LRRC4C: variants seen among roughly 807,000 people sequenced by gnomAD.
LRRC4C encodes leucine-rich repeat-containing protein 4C.
LRRC4C carries 5 observed loss-of-function variants against 33.6 expected under a neutral mutation model. That is an observed-to-expected ratio of 0.15 (90% CI 0.08 to 0.31). LRRC4C has a LOEUF of 0.31. Ranked by LOEUF, LRRC4C falls within the 10% of genes least tolerant of loss-of-function variation. LRRC4C has a pLI of 1.00. For missense variants in LRRC4C, 560 were observed against 796.7 expected (o/e 0.70, Z 3.58); for synonymous variants, 329 against 302.0 (o/e 1.09, Z -0.93).
At chr11:41,021,892 C>T (rs2098289000) in intron 1 of LRRC4C, among the ~76,000 whole-genome samples, 1 of 151,874 alleles carries the variant, frequency 6.6e-6, no homozygotes, top group Non-Finnish European at 1.5e-5. Flanking sequence ...ATCTTTTAAG[C>T]AGTAGTTTCA....
At chr11:40,596,575 C>T (rs573185668) in intron 3 of LRRC4C, among the ~76,000 whole-genome samples, 7 of 151,780 alleles carry the variant, frequency 4.6e-5, no homozygotes, top group South Asian at 2.1e-4. Flanking sequence ...TATTTTTGTA[C>T]GCTTCAACCA....
intron 2 of LRRC4C, among the ~76,000 whole-genome samples, chr11:40,675,807 T>C (rs1365532455): frequency 6.6e-6 from 1 of 152,232 alleles, no homozygotes; most frequent in Non-Finnish European, 1.5e-5. Flanking sequence ...GAAGTTTCTG[T>C]TAAAGTTTTT....
chr11:40,795,257 G>A lies in LRRC4C; in HGVS notation c.-407+138378C>T, dbSNP rs1347607974. The stretch of plus-strand genomic sequence containing the variant: ...TAGAAGGGAAGGAAAGACTGGGCGC[G>A]GTGGCTCACGCCTGTAATCCTAGCA... On this transcript the variant is annotated intron_variant, in intron 2 of 6. Coordinates refer to ENST00000528697, the MANE Select transcript of LRRC4C (RefSeq NM_001258419.2). Among the ~76,000 whole-genome samples the A allele has an allele frequency of 2.0e-5, 3 of 152,270 alleles. No individual in the cohort carries two copies. The East Asian group carries it at 5.8e-4, about 29-fold the overall frequency.
rs1330935543 is a variant in LRRC4C at position 40,114,902 on chromosome 11, G to A, written c.1391C>T (p.Pro464Leu). 2.0e-5 allele frequency: 33 copies of A among 1,614,168 alleles called. No homozygotes were observed. Among genetic ancestry groups the A allele is most frequent in the Non-Finnish European group, 2.7e-5 (32 of 1,180,036 alleles). Residue 464 changes from proline to leucine, a missense_variant, in exon 7 of 7, where the codon CCG becomes CTG. Pro to Leu is a moderately conservative substitution (Grantham distance 98, BLOSUM62 -3). Coordinates refer to ENST00000528697, the MANE Select transcript of LRRC4C (RefSeq NM_001258419.2). ...TGTGGTCCGTGCCTCATCCTGAGAC[G>A]GTTCCATAGTCTCTACTGTGACGGT... ...FSTVTVETME[P>L]SQDEARTTDN...
At chr11:40,599,469 A>G (rs747126504) in intron 3 of LRRC4C, among the ~76,000 whole-genome samples, 5 of 152,132 alleles carry the variant, frequency 3.3e-5, no homozygotes, top group African/African-American at 9.7e-5. Context: ...CTTCTTAAGA[A>G]GAACCATATT....
intron 1 of LRRC4C, among the ~76,000 whole-genome samples, chr11:41,389,458 C>T (rs996213989): frequency 3.3e-5 from 5 of 151,420 alleles, no homozygotes; most frequent in Non-Finnish European, 7.4e-5. Flanking sequence ...TAGGACATAG[C>T]AATACTGTGG....
intron 4 of LRRC4C, among the ~76,000 whole-genome samples, chr11:40,295,551 A>AT (rs1424922042): frequency 6.6e-6 from 1 of 151,978 alleles, no homozygotes; most frequent in Non-Finnish European, 1.5e-5. Context: ...ACAAAATGCT[A>AT]TTTTTTTCCT....
At chr11:41,210,666 C>T (rs949889367) in intron 1 of LRRC4C, among the ~76,000 whole-genome samples, 11 of 152,190 alleles carry the variant, frequency 7.2e-5, no homozygotes, top group Middle Eastern at 3.4e-3. Flanking sequence ...CAGATATTGT[C>T]GGCATCTATT....
intron 1 of LRRC4C, among the ~76,000 whole-genome samples, chr11:41,250,858 T>C (rs1948615782): frequency 6.6e-6 from 1 of 152,236 alleles, no homozygotes; most frequent in Non-Finnish European, 1.5e-5. Flanking sequence ...GCTTAAGATG[T>C]ACTAACTTTG....
intron 1 of LRRC4C, among the ~76,000 whole-genome samples, chr11:40,945,097 G>C (rs1204522132): frequency 7.0e-6 from 1 of 143,082 alleles, no homozygotes; most frequent in Non-Finnish European, 1.5e-5. Flanking sequence ...GCGCGATCTC[G>C]GCACACTGCA....
chr11:40,451,862 C>T (rs11035851), intron 3 of LRRC4C, among the ~76,000 whole-genome samples: 55,451 of 151,938 alleles, frequency 0.36, 10,586 homozygotes, highest in East Asian at 0.53. Flanking sequence ...CCAGTGTGAG[C>T]GATGCAGAAG....
chr11:40,986,427 A>C (rs1853000453), intron 1 of LRRC4C, among the ~76,000 whole-genome samples: 1 of 152,112 alleles, frequency 6.6e-6, no homozygotes, highest in Non-Finnish European at 1.5e-5. Context: ...GCGAGACCGC[A>C]TCTCCACTAA....
chr11:40,194,904 C>T (rs535800284), intron 5 of LRRC4C, among the ~76,000 whole-genome samples: 3 of 146,836 alleles, frequency 2.0e-5, no homozygotes, highest in South Asian at 2.3e-4. Context: ...CTGGCTAACA[C>T]GGTGGAACCC....
intron 2 of LRRC4C, among the ~76,000 whole-genome samples, chr11:40,752,000 A>G (rs1007120002): frequency 2.0e-5 from 3 of 152,126 alleles, no homozygotes; most frequent in Non-Finnish European, 4.4e-5. Flanking sequence ...TACACTGTAG[A>G]AAAGACACCC....
chr11:41,303,085 C>CTCCCTCTCCCTT (rs1950330847), intron 1 of LRRC4C, among the ~76,000 whole-genome samples: 1 of 71,426 alleles, frequency 1.4e-5, no homozygotes, highest in South Asian at 4.9e-4. Flanking sequence ...ATTAGTCCCT[C>CTCCCTCTCCCTT]TCCCTCTCCC....
At chr11:41,032,683 A>G (rs922106172) in intron 1 of LRRC4C, among the ~76,000 whole-genome samples, 8 of 152,102 alleles carry the variant, frequency 5.3e-5, no homozygotes, top group Non-Finnish European at 1.0e-4. Flanking sequence ...TATTCAATAG[A>G]TATTATAGAT....
At chr11:40,900,305 C>A (rs1463482711) in intron 2 of LRRC4C, among the ~76,000 whole-genome samples, 1 of 152,040 alleles carries the variant, frequency 6.6e-6, no homozygotes, top group Non-Finnish European at 1.5e-5. Context: ...CAATTTCAAT[C>A]ATTTTCTTAA....
chr11:40,144,111 C>T (rs950573064), intron 5 of LRRC4C, among the ~76,000 whole-genome samples: 4 of 152,004 alleles, frequency 2.6e-5, no homozygotes, highest in Non-Finnish European at 5.9e-5. Context: ...TTTCAATTTC[C>T]TCATCTGTAA....
At chr11:40,817,039 T>C (rs1951733985) in intron 2 of LRRC4C, among the ~76,000 whole-genome samples, 2 of 152,126 alleles carry the variant, frequency 1.3e-5, no homozygotes, top group Non-Finnish European at 2.9e-5. Flanking sequence ...TAGCTTAATC[T>C]GAAACTAGCA....
Sources: gnomAD v4.1 joint callset for allele counts (sites outside exome capture counted in the v4.1 genomes callset) on GRCh38, gnomAD v4.1.1 for gene constraint, MANE v1.5 for transcripts, NCBI Gene and HGNC (gene_info 2026-07-23, HGNC 2026-07-21) for gene names.